The following WDR72 variants were observed in gnomAD, a reference collection of about 807,000 sequenced individuals.
The protein encoded by WDR72 is WD repeat-containing protein 72.
A neutral mutation model predicts 124.2 loss-of-function variants in WDR72; 120 were observed. That is an observed-to-expected ratio of 0.97 (90% confidence interval 0.83 to 1.12). WDR72 has a LOEUF of 1.12. WDR72 is among the 50% of genes most tolerant of loss of function. The pLI is 0.00. For synonymous variants in WDR72, 452 were observed against 441.7 expected (o/e 1.02, Z -0.29); for missense variants, 1,387 against 1,278.8 (o/e 1.08, Z -1.29).
chr15:53,702,286 G>C lies in WDR72; in HGVS notation c.1417C>G (p.Leu473Val), dbSNP rs1197711257. Reference sequence around the variant, plus strand: ...CAACTTTGGTCTAATTTCGAAGAGAGACCATGTGGATAGAGTAATGAAGTG... The same window carrying C: ...CAACTTTGGTCTAATTTCGAAGAGACACCATGTGGATAGAGTAATGAAGTG... ...SVTSLLYPHG[L>V]SSKLDQSWML... Residue 473 changes from leucine to valine, a missense_variant, in exon 12 of 20, where the codon CTC (leucine) becomes GTC (valine). Physicochemically the swap from Leu to Val is conservative, Grantham distance 32. Transcript: ENST00000360509. The C allele has an allele frequency of 1.9e-6, 3 of 1,614,094 alleles. No individual in the cohort carries two copies. The highest frequency in any genetic ancestry group is 2.2e-5 in the South Asian group (2 of 91,070).
intron 18 of WDR72, among the ~76,000 whole-genome samples, chr15:53,584,843 C>G (rs1052736509): frequency 1.3e-5 from 2 of 151,974 alleles, no homozygotes; most frequent in African/African-American, 2.4e-5. Context: ...ATTCCCTTTG[C>G]CTCAAATGCC....
chr15:53,552,800 T>C (rs1893789317), intron 18 of WDR72, among the ~76,000 whole-genome samples: 2 of 152,130 alleles, frequency 1.3e-5, no homozygotes, highest in South Asian at 4.1e-4. Flanking sequence ...CAGAAGCAAA[T>C]ATTAACCAGT....
chr15:53,516,505 T>C lies in WDR72; in HGVS notation c.*1194A>G, dbSNP rs1250700215. Reference sequence around the variant, plus strand: ...CATACATAGATATAGCTATATATCATATATTTAATGCTTTATATCCCTTTT... The same window carrying C: ...CATACATAGATATAGCTATATATCACATATTTAATGCTTTATATCCCTTTT... On this transcript the variant is annotated 3_prime_UTR_variant, in exon 20 of 20. Coordinates refer to ENST00000360509, the MANE Select transcript of WDR72 (RefSeq NM_182758.4). 4 of 152,010 alleles carry C rather than the reference T, an allele frequency of 2.6e-5. No individual in the cohort carries two copies. The highest frequency in any genetic ancestry group is 4.4e-5 in the Non-Finnish European group (3 of 67,956). 9.4% of individuals were successfully genotyped at this position (152,010 alleles called of 1,614,324 possible).
At chr15:53,741,376 C>T (rs1343809275) in intron 1 of WDR72, among the ~76,000 whole-genome samples, 1 of 152,146 alleles carries the variant, frequency 6.6e-6, no homozygotes, top group African/African-American at 2.4e-5. Context: ...TCCCTAGAAT[C>T]GATCTCGAAC....
In WDR72 at chr15:53,609,531, C is replaced by A; in HGVS notation, c.2934G>T (p.Trp978Cys). 6.2e-7 allele frequency: 1 copy of A among 1,613,482 alleles called. No homozygotes were observed. The highest frequency in any genetic ancestry group is 8.5e-7 in the Non-Finnish European group (1 of 1,179,660). Residue 978 changes from tryptophan to cysteine, a missense_variant, in exon 17 of 20, where the codon TGG (tryptophan) becomes TGT (cysteine). Coordinates refer to ENST00000360509, the MANE Select transcript of WDR72 (RefSeq NM_182758.4). ...ATCATACCTGCACAGACTGGTCTCT[C>A]CAACAGGAAATTAGCTTCAAAAGTG... The part of the protein sequence containing the change: ...DLSLLKLISC[W>C]RDQSVQVTEA...
chr15:53,621,076 A>C (rs1259075739), intron 14 of WDR72, among the ~76,000 whole-genome samples: 8 of 152,112 alleles, frequency 5.3e-5, no homozygotes, highest in Non-Finnish European at 1.0e-4. Flanking sequence ...GATCAGGATA[A>C]TTCAAATCAA....
chr15:53,731,059 C>T (rs1267668032), intron 2 of WDR72, among the ~76,000 whole-genome samples: 3 of 152,126 alleles, frequency 2.0e-5, no homozygotes, highest in Non-Finnish European at 2.9e-5. Context: ...CACATTCATA[C>T]GAATCAATAA....
rs191903203 is a variant in WDR72, at chr15:53,712,199, A to G, written c.711+573T>C. Among the ~76,000 whole-genome samples the G allele has an allele frequency of 3.0e-4, 46 of 152,332 alleles. No homozygotes were observed. In the East Asian group the frequency reaches 8.3e-3, roughly 27 times the overall value. On this transcript the variant is annotated intron_variant, in intron 7 of 19. Transcript: ENST00000360509. Reference sequence around the variant, plus strand: ...ATTATGGTTTGTTACTAAAATTAGGATATGCTACTACATATATAATATCTT... The same window carrying G: ...ATTATGGTTTGTTACTAAAATTAGGGTATGCTACTACATATATAATATCTT...
intron 14 of WDR72, among the ~76,000 whole-genome samples, chr15:53,623,428 T>C (rs559824993): frequency 4.6e-5 from 7 of 152,140 alleles, no homozygotes; most frequent in Non-Finnish European, 1.0e-4. Flanking sequence ...TGCATCCATG[T>C]TGCTACTAAG....
chr15:53,641,357 T>G (rs1236633738), intron 14 of WDR72, among the ~76,000 whole-genome samples: 2 of 151,870 alleles, frequency 1.3e-5, no homozygotes, highest in Non-Finnish European at 2.9e-5. Flanking sequence ...GTGTGTGTAT[T>G]TGTGTGTGTA....
intron 14 of WDR72, among the ~76,000 whole-genome samples, chr15:53,619,253 A>G (rs2013890467): frequency 7.4e-6 from 1 of 135,772 alleles, no homozygotes; most frequent in Non-Finnish European, 1.6e-5. Context: ...GTTTCCTTGT[A>G]TGCTTTATAA....
intron 7 of WDR72, 100 bp from the exon 8 acceptor site, chr15:53,711,581 C>T (rs1007152673): frequency 1.8e-5 from 23 of 1,249,074 alleles, no homozygotes; most frequent in African/African-American, 4.5e-5. Context: ...ACATAGTAAG[C>T]GTTAATAACA....
At chr15:53,664,188 C>G (rs2015701759) in intron 14 of WDR72, among the ~76,000 whole-genome samples, 1 of 152,148 alleles carries the variant, frequency 6.6e-6, no homozygotes, top group South Asian at 2.1e-4. Flanking sequence ...AATGAATATC[C>G]TCTGGGCTCT....
chr15:53,559,387 C>T (rs1316447486), intron 18 of WDR72, among the ~76,000 whole-genome samples: 1 of 152,008 alleles, frequency 6.6e-6, no homozygotes. Flanking sequence ...GAAGATCAGT[C>T]TCCCCAACAG....
chr15:53,590,362 TAA>T (rs1165917295), intron 18 of WDR72, among the ~76,000 whole-genome samples: 7 of 152,162 alleles, frequency 4.6e-5, no homozygotes, highest in African/African-American at 1.7e-4. Flanking sequence ...ATATTCCAAA[TAA>T]AAGTCTTCAA....
chr15:53,597,411 C>T, intron 17 of WDR72, 137 bp from the exon 18 acceptor site: 7 of 815,550 alleles, frequency 8.6e-6, no homozygotes, highest in Non-Finnish European at 9.5e-6. Flanking sequence ...CTAGAATTAG[C>T]ATCCACAACA....
intron 17 of WDR72, among the ~76,000 whole-genome samples, chr15:53,599,715 C>A (rs16966276): frequency 6.6e-6 from 1 of 151,986 alleles, no homozygotes; most frequent in Non-Finnish European, 1.5e-5. Flanking sequence ...ATGCCCACAA[C>A]TGTGATCTAA....
At position 53,517,785 on chromosome 15, in the gene WDR72, T is replaced by C. The variant is rs16966158; in HGVS notation, c.3254-31A>G. 0.011 allele frequency: 17,420 copies of C among 1,608,312 alleles called. 1,557 individuals are homozygous for C. In the African/African-American group the frequency reaches 0.2, roughly 19 times the overall value. ...AAAAAAGCAGATATCTTGGGTTATA[T>C]GGTGAAATCTAAAAAGAGAAAAAAG... On this transcript the variant is annotated intron_variant, in intron 19 of 19. Transcript: ENST00000360509.
intron 18 of WDR72, among the ~76,000 whole-genome samples, chr15:53,529,965 G>A (rs963177641): frequency 4.0e-5 from 6 of 151,822 alleles, no homozygotes; most frequent in African/African-American, 1.2e-4. Context: ...ACATTTCCTC[G>A]CTCCCAACCA....
Sources: gnomAD v4.1 joint callset for allele counts (sites outside exome capture counted in the v4.1 genomes callset) on GRCh38, gnomAD v4.1.1 for gene constraint, MANE v1.5 for transcripts, NCBI Gene and HGNC (gene_info 2026-07-23, HGNC 2026-07-21) for gene names.